Variants in SYT3 observed in about 807,000 individuals in gnomAD.
SYT3 encodes synaptotagmin 3.
SYT3 carries 25 observed loss-of-function variants against 50.6 expected under a neutral mutation model. That is an observed-to-expected ratio of 0.49 (90% CI 0.36 to 0.69). The LOEUF is 0.69. Among genes scored for constraint, SYT3 ranks in the 30% least tolerant of loss-of-function variants. The probability of loss-of-function intolerance (pLI) is 0.00; values close to 1 mark genes in which losing one functional copy is unlikely to be tolerated. For synonymous variants in SYT3, 323 were observed against 353.9 expected (o/e 0.91, Z 0.98); for missense variants, 589 against 793.6 (o/e 0.74, Z 3.10).
At position 50,634,092 on chromosome 19, in the gene SYT3, G is replaced by A. The variant is rs148169238; in HGVS notation, c.149-1281C>T. 3.1e-3 allele frequency among the ~76,000 whole-genome samples: 474 copies of A among 152,378 alleles called. 2 individuals are homozygous for A. Among genetic ancestry groups the A allele is most frequent in the African/African-American group, 0.011 (441 of 41,582 alleles). ...CATATGTGCTGATATGCCTTGCAGAGAAACCCAAGTACAGAATTGTTCTTA... is the reference window on the plus strand; with the variant it reads ...CATATGTGCTGATATGCCTTGCAGAAAAACCCAAGTACAGAATTGTTCTTA... On this transcript the variant is annotated intron_variant, in intron 3 of 10. Coordinates refer to ENST00000600079, the MANE Select transcript of SYT3 (RefSeq NM_001160329.2).
At chr19:50,656,331 C>T in the SYT3 span, 1 of 1,536,000 alleles carries the variant, frequency 6.5e-7, no homozygotes, top group Non-Finnish European at 8.7e-7. Context: ...CCCTCTGCCT[C>T]TGCATGGAGA....
At chr19:50,657,508 T>C in the SYT3 span, among the ~76,000 whole-genome samples, 6 of 152,212 alleles carry the variant, frequency 3.9e-5, no homozygotes, top group Non-Finnish European at 8.8e-5. Context: ...GAATGTTAAA[T>C]AGATTGACAA....
the SYT3 span, among the ~76,000 whole-genome samples, chr19:50,656,575 C>T: frequency 6.6e-6 from 1 of 152,116 alleles, no homozygotes; most frequent in Non-Finnish European, 1.5e-5. Flanking sequence ...AAAGGGGAGG[C>T]TGAGGGGGGC....
the SYT3 span, among the ~76,000 whole-genome samples, chr19:50,653,682 GCACACACACACACACACACACACA>G: frequency 2.1e-3 from 250 of 121,922 alleles, no homozygotes; most frequent in Middle Eastern, 0.02. Context: ...ATGAGAGACA[GCACACACACACACACACACACACA>G]CACACACACA....
chr19:50,630,249 C>T, intron 4 of SYT3, 78 bp from the exon 5 acceptor site: 3 of 1,391,838 alleles, frequency 2.2e-6, no homozygotes, highest in Non-Finnish European at 1.9e-6. Context: ...TGGGAGACTC[C>T]TCCCTGCCTT....
At chr19:50,654,080 C>G in the SYT3 span, among the ~76,000 whole-genome samples, 1 of 151,962 alleles carries the variant, frequency 6.6e-6, no homozygotes, top group Non-Finnish European at 1.5e-5. Context: ...CACAGAGTGG[C>G]CTTGCTTGAT....
chr19:50,648,942 G>A, the SYT3 span, among the ~76,000 whole-genome samples: 1 of 151,914 alleles, frequency 6.6e-6, no homozygotes, highest in Non-Finnish European at 1.5e-5. Flanking sequence ...AAGACAGAGA[G>A]AGGGTGACGG....
chr19:50,638,859 T>C (rs964451353), intron 2 of SYT3, among the ~76,000 whole-genome samples, 166 bp downstream of exon 2: 6 of 151,560 alleles, frequency 4.0e-5, no homozygotes, highest in African/African-American at 1.5e-4. Context: ...GAGGTGGATG[T>C]GGGGAGAGGG....
At chr19:50,644,079 G>T, upstream of SYT3, among the ~76,000 whole-genome samples, 1 of 152,232 alleles carries the variant, frequency 6.6e-6, no homozygotes, top group East Asian at 1.9e-4. Context: ...CGTAGGAGTA[G>T]CACTTTGTTT....
intron 6 of SYT3, among the ~76,000 whole-genome samples, chr19:50,628,560 A>G (rs1391751814): frequency 6.6e-6 from 1 of 152,080 alleles, no homozygotes; most frequent in Non-Finnish European, 1.5e-5. Flanking sequence ...GGGAAAATTC[A>G]GAAGTTCAGA....
chr19:50,646,398 G>C, the SYT3 span, among the ~76,000 whole-genome samples: 1 of 148,058 alleles, frequency 6.8e-6, no homozygotes, highest in African/African-American at 2.4e-5. Flanking sequence ...GGACAGGGCA[G>C]ATGGGGTTAG....
At chr19:50,649,349 G>A in the SYT3 span, 8 of 1,201,062 alleles carry the variant, frequency 6.7e-6, no homozygotes, top group African/African-American at 1.5e-5. Context: ...AGAGGAGGTA[G>A]AGGAGGCAGC....
At chr19:50,650,221 G>T in the SYT3 span, among the ~76,000 whole-genome samples, 2 of 152,188 alleles carry the variant, frequency 1.3e-5, no homozygotes, top group Non-Finnish European at 2.9e-5. Context: ...GGCTTTTGAG[G>T]CCCTGTGTGG....
intron 3 of SYT3, among the ~76,000 whole-genome samples, chr19:50,636,370 G>A (rs1200765806): frequency 1.3e-5 from 2 of 152,214 alleles, no homozygotes; most frequent in Admixed American, 6.5e-5. Flanking sequence ...CTACAGTGCT[G>A]TACTAGACTA....
At chr19:50,634,693 T>A (rs1984437603) in intron 3 of SYT3, among the ~76,000 whole-genome samples, 1 of 149,412 alleles carries the variant, frequency 6.7e-6, no homozygotes, top group East Asian at 2.1e-4. Context: ...AAGCACTTCC[T>A]GTGCCTGAGC....
Position 50,639,203 on chromosome 19 carries a change from T to A in SYT3, c.-153-41A>T, listed in dbSNP as rs1321866482. The A allele has an allele frequency of 2.6e-5, 4 of 152,190 alleles. No homozygotes were observed. Among genetic ancestry groups the A allele is most frequent in the Non-Finnish European group, 5.9e-5 (4 of 68,100 alleles). 9.4% of individuals were successfully genotyped at this position (152,190 alleles called of 1,614,324 possible). A position where few individuals can be genotyped will look rare whatever the true frequency, so the allele number is the denominator to read the frequency against. On this transcript the variant is annotated intron_variant, in intron 1 of 10. Coordinates refer to ENST00000600079, the MANE Select transcript of SYT3 (RefSeq NM_001160329.2). The surrounding 1 kb of genome is among the most constrained non-coding windows in gnomAD (Gnocchi z 4.6). ...AAAGCTCAGCTTAACAGTCACATCT[T>A]GCCCTACTCGAGCCAGCTGCCCGAC... is the stretch of plus-strand genomic sequence containing the variant.
At chr19:50,651,147 TGCTGG>T in the SYT3 span, among the ~76,000 whole-genome samples, 2 of 152,220 alleles carry the variant, frequency 1.3e-5, no homozygotes, top group African/African-American at 4.8e-5. Context: ...CTTGTTCTCA[TGCTGG>T]GAGAGGAGAC....
chr19:50,623,226 G>A (rs1277485917), intron 9 of SYT3, among the ~76,000 whole-genome samples: 2 of 152,088 alleles, frequency 1.3e-5, no homozygotes, highest in African/African-American at 4.8e-5. Context: ...TCCTGGGAAG[G>A]TTGGTGGGAT....
At position 50,633,323 on chromosome 19, in the gene SYT3, C is replaced by CA. The variant is rs1984386821; in HGVS notation, c.149-513dup. 2.0e-5 allele frequency among the ~76,000 whole-genome samples: 3 copies of CA among 152,322 alleles called. No homozygotes were observed. The South Asian group carries it at 6.2e-4, about 32-fold the overall frequency. On this transcript the variant is annotated intron_variant, in intron 3 of 10. Transcript: ENST00000600079. ...CATTTTAAAGATGAGGAAACTGAGACACAGAGAGATTCAGTGATTTGTTTA... is the reference window on the plus strand; with the variant it reads ...CATTTTAAAGATGAGGAAACTGAGACAACAGAGAGATTCAGTGATTTGTTTA...
Sources: allele counts gnomAD v4.1 joint callset (sites outside exome capture counted in the v4.1 genomes callset), GRCh38; gene constraint gnomAD v4.1.1; non-coding constraint Gnocchi (gnomAD v3.1); transcripts MANE v1.5; gene names NCBI Gene and HGNC (gene_info 2026-07-23, HGNC 2026-07-21).